Variants in GPC6 observed in about 807,000 individuals in gnomAD.
GPC6 encodes glypican-6.
Under a neutral mutation model 55.2 loss-of-function variants are expected in GPC6, and 14 were observed. The ratio of observed to expected loss-of-function variants is 0.25; its 90% CI spans 0.17 to 0.40. GPC6 has a LOEUF of 0.40. Ranked by LOEUF, GPC6 falls within the 10% of genes least tolerant of loss-of-function variation. The pLI is 1.00. For missense variants in GPC6, 641 were observed against 708.5 expected, an observed-to-expected ratio of 0.90 and a Z score of 1.08; for synonymous variants, 278 against 259.6, an observed-to-expected ratio of 1.07 and a Z score of -0.68.
intron 4 of GPC6, among the ~76,000 whole-genome samples, chr13:94,266,160 T>TTTTTTTTTTG (rs1555313268): frequency 6.8e-6 from 1 of 148,114 alleles, no homozygotes; most frequent in African/African-American, 2.5e-5. Flanking sequence ...TCTTTTTTTT[T>TTTTTTTTTTG]TTTGTTTGTT....
intron 1 of GPC6, among the ~76,000 whole-genome samples, chr13:93,457,799 G>T (rs2139310703): frequency 6.6e-6 from 1 of 152,040 alleles, no homozygotes; most frequent in South Asian, 2.1e-4. Flanking sequence ...ATGAGAAGGA[G>T]TATACCTTCA....
chr13:93,921,872 C>G (rs1027378152), intron 3 of GPC6, among the ~76,000 whole-genome samples: 2 of 151,660 alleles, frequency 1.3e-5, no homozygotes, highest in African/African-American at 2.4e-5. Flanking sequence ...GAGGGTGGAG[C>G]CTTTGCTGGG....
chr13:93,849,610 A>T (rs1218094138), intron 3 of GPC6, among the ~76,000 whole-genome samples: 1 of 152,146 alleles, frequency 6.6e-6, no homozygotes, highest in East Asian at 1.9e-4. Context: ...CTATACATAG[A>T]TAAAGATATC....
chr13:93,298,860 A>G (rs1878583325), intron 1 of GPC6, among the ~76,000 whole-genome samples: 1 of 149,796 alleles, frequency 6.7e-6, no homozygotes, highest in Non-Finnish European at 1.5e-5. Context: ...AGCAGATGCA[A>G]TCCCTTCCGT....
chr13:93,438,396 T>C (rs142180773), intron 1 of GPC6, among the ~76,000 whole-genome samples: 131 of 152,308 alleles, frequency 8.6e-4, no homozygotes, highest in Middle Eastern at 3.4e-3. Flanking sequence ...TTCACCATTC[T>C]AGGTTCCGTT....
chr13:94,087,201 G>A (rs1885314617), intron 4 of GPC6, among the ~76,000 whole-genome samples: 1 of 152,198 alleles, frequency 6.6e-6, no homozygotes, highest in African/African-American at 2.4e-5. Flanking sequence ...TGAATGAGCA[G>A]ATCTAAGAAA....
chr13:94,336,364 G>GC (rs887341968), intron 6 of GPC6, among the ~76,000 whole-genome samples: 3 of 152,056 alleles, frequency 2.0e-5, no homozygotes, highest in African/African-American at 7.2e-5. Context: ...AACACTGATT[G>GC]CCCCCAAAGA....
At chr13:93,401,066 A>G (rs990274347) in intron 1 of GPC6, among the ~76,000 whole-genome samples, 4 of 152,144 alleles carry the variant, frequency 2.6e-5, no homozygotes, top group African/African-American at 9.7e-5. Flanking sequence ...AATATGTAGC[A>G]TAATATAAGT....
intron 4 of GPC6, among the ~76,000 whole-genome samples, chr13:94,246,881 G>A (rs1234239729): frequency 6.6e-6 from 1 of 151,890 alleles, no homozygotes; most frequent in Non-Finnish European, 1.5e-5. Context: ...TGAATTTTAG[G>A]ATTGTTTTTT....
chr13:93,809,096 A>C (rs1259121524), intron 2 of GPC6, among the ~76,000 whole-genome samples: 2 of 152,208 alleles, frequency 1.3e-5, no homozygotes, highest in Admixed American at 1.3e-4. Context: ...GTATTGATTT[A>C]CTTTAGATCC....
intron 4 of GPC6, among the ~76,000 whole-genome samples, chr13:94,035,282 T>A (rs1219088110): frequency 6.6e-6 from 1 of 150,752 alleles, no homozygotes; most frequent in Non-Finnish European, 1.5e-5. Flanking sequence ...AAGAAAATAT[T>A]TGATGATTCT....
intron 4 of GPC6, among the ~76,000 whole-genome samples, chr13:94,099,621 A>G (rs561735130): frequency 1.2e-4 from 19 of 152,198 alleles, no homozygotes; most frequent in Middle Eastern, 3.2e-3. Context: ...TTACTTTTAT[A>G]AATGCATTGA....
At chr13:94,092,624 A>G (rs1442111967) in intron 4 of GPC6, among the ~76,000 whole-genome samples, 1 of 152,042 alleles carries the variant, frequency 6.6e-6, no homozygotes, top group African/African-American at 2.4e-5. Context: ...GGAGATACTG[A>G]TATTTCCTTT....
intron 6 of GPC6, among the ~76,000 whole-genome samples, chr13:94,316,508 G>A (rs1876538958): frequency 6.6e-6 from 1 of 152,008 alleles, no homozygotes; most frequent in Non-Finnish European, 1.5e-5. Context: ...ACGAGGTCAG[G>A]AGATCGAGAC....
intron 4 of GPC6, among the ~76,000 whole-genome samples, chr13:94,091,672 G>A (rs1478739134): frequency 1.3e-5 from 2 of 152,046 alleles, no homozygotes; most frequent in Admixed American, 6.6e-5. Flanking sequence ...GTATTCACTA[G>A]GTGGTTATTT....
At chr13:94,268,138 G>A (rs1360368998) in intron 4 of GPC6, among the ~76,000 whole-genome samples, 5 of 152,192 alleles carry the variant, frequency 3.3e-5, no homozygotes, top group African/African-American at 1.2e-4. Context: ...AATTGCAAAT[G>A]ATGTTAGTAG....
At chr13:93,548,295 T>A (rs912289351) in intron 2 of GPC6, among the ~76,000 whole-genome samples, 1 of 152,320 alleles carries the variant, frequency 6.6e-6, no homozygotes, top group South Asian at 2.1e-4. Flanking sequence ...ATATACTGTT[T>A]ATGAAAAACC....
chr13:93,859,593 T>C (rs946112637), intron 3 of GPC6, among the ~76,000 whole-genome samples: 1 of 151,734 alleles, frequency 6.6e-6, no homozygotes, highest in Non-Finnish European at 1.5e-5. Context: ...GTCTATCATT[T>C]TGACCAAGAG....
intron 1 of GPC6, among the ~76,000 whole-genome samples, chr13:93,363,905 A>C (rs1015951941): frequency 6.6e-6 from 1 of 151,734 alleles, no homozygotes; most frequent in Non-Finnish European, 1.5e-5. Context: ...GCATTTTTTC[A>C]TGTGTTTTTT....
Sources: gnomAD v4.1 joint callset for allele counts (sites outside exome capture counted in the v4.1 genomes callset) on GRCh38, gnomAD v4.1.1 for gene constraint, MANE v1.5 for transcripts, NCBI Gene and HGNC (gene_info 2026-07-23, HGNC 2026-07-21) for gene names.